The following SH3GL2 variants were observed in gnomAD, a reference collection of about 807,000 sequenced individuals.
SH3GL2 encodes SH3 domain containing GRB2 like 2, endophilin A1.
SH3GL2 carries 24 observed loss-of-function variants against 46.0 expected under a neutral mutation model. The ratio of observed to expected loss-of-function variants is 0.52; its 90% CI spans 0.38 to 0.73. The LOEUF (loss-of-function observed/expected upper bound fraction) is 0.73. Among genes scored for constraint, SH3GL2 ranks in the 30% least tolerant of loss-of-function variants. SH3GL2 has a pLI of 0.00. For synonymous variants in SH3GL2, 196 were observed against 147.1 expected (o/e 1.33, Z -2.40); for missense variants, 413 against 424.2 (o/e 0.97, Z 0.23).
At chr9:17,779,103 A>G (rs893787381) in intron 3 of SH3GL2, among the ~76,000 whole-genome samples, 1 of 152,090 alleles carries the variant, frequency 6.6e-6, no homozygotes, top group Non-Finnish European at 1.5e-5. Flanking sequence ...GCCAGACCTG[A>G]TAAGAGGTGG....
intron 1 of SH3GL2, among the ~76,000 whole-genome samples, chr9:17,649,311 C>A (rs1476515919): frequency 3.3e-5 from 5 of 152,192 alleles, no homozygotes; most frequent in Non-Finnish European, 7.3e-5. Context: ...AAGCGAACCA[C>A]CTGCCTTGGC....
At position 17,780,096 on chromosome 9, in the gene SH3GL2, A is replaced by G. The variant is rs149444724; in HGVS notation, c.188-6285A>G. On this transcript the variant is annotated intron_variant, in intron 3 of 8. Coordinates refer to ENST00000380607, the MANE Select transcript of SH3GL2 (RefSeq NM_003026.5). ...AGTGAAATTTCTGAATTTGTTATTGATCTGTAACATACAAAAAGTACAACA... is the reference window on the plus strand; with the variant it reads ...AGTGAAATTTCTGAATTTGTTATTGGTCTGTAACATACAAAAAGTACAACA... 2.8e-3 allele frequency among the ~76,000 whole-genome samples: 421 copies of G among 152,250 alleles called. 4 individuals are homozygous for G. The highest frequency in any genetic ancestry group is 9.7e-3 in the African/African-American group (404 of 41,548).
intron 1 of SH3GL2, among the ~76,000 whole-genome samples, chr9:17,611,290 G>A (rs907825412): frequency 2.6e-5 from 4 of 152,070 alleles, no homozygotes; most frequent in Non-Finnish European, 5.9e-5. Flanking sequence ...TAGGGTAAAC[G>A]TGGGTACGTG....
chr9:17,790,839 G>A (rs534405151), intron 6 of SH3GL2, among the ~76,000 whole-genome samples: 10 of 152,174 alleles, frequency 6.6e-5, no homozygotes, highest in African/African-American at 2.2e-4. Flanking sequence ...TAACAGTACC[G>A]ATATTAACAG....
intron 3 of SH3GL2, among the ~76,000 whole-genome samples, chr9:17,785,221 A>G (rs1481527421): frequency 2.6e-5 from 4 of 152,138 alleles, no homozygotes; most frequent in South Asian, 4.1e-4. Context: ...ACAGTGCCGC[A>G]TATCTGGGAC....
chr9:17,718,707 G>C (rs1030444835), intron 1 of SH3GL2, among the ~76,000 whole-genome samples: 2 of 152,122 alleles, frequency 1.3e-5, no homozygotes, highest in African/African-American at 4.8e-5. Context: ...TCCAGCCTGG[G>C]TGACAGAGTG....
chr9:17,673,202 G>T (rs1820516872), intron 1 of SH3GL2, among the ~76,000 whole-genome samples: 1 of 151,978 alleles, frequency 6.6e-6, no homozygotes, highest in Admixed American at 6.6e-5. Context: ...AGGCTGGAAT[G>T]CAGTGGTGCG....
rs184925425 is a variant in SH3GL2 at position 17,695,682 on chromosome 9, C to T, written c.46-51384C>T. ...GTGGGTTGGATGGCCATTACATAAT[C>T]ACAACCTCTTTTTTTCAGTCAGGGT... On this transcript the variant is annotated intron_variant, in intron 1 of 8. Transcript: ENST00000380607. Among the ~76,000 whole-genome samples the T allele has an allele frequency of 5.2e-4, 79 of 152,090 alleles. 1 individual carries two copies. The East Asian group carries it at 0.014, about 27-fold the overall frequency.
chr9:17,711,893 G>C (rs1165332019), intron 1 of SH3GL2, among the ~76,000 whole-genome samples: 1 of 151,842 alleles, frequency 6.6e-6, no homozygotes, highest in African/African-American at 2.4e-5. Context: ...GTACTCAACA[G>C]TTCTACAAAG....
chr9:17,614,205 C>T (rs1818932197), intron 1 of SH3GL2, among the ~76,000 whole-genome samples: 1 of 142,500 alleles, frequency 7.0e-6, no homozygotes, highest in South Asian at 2.2e-4. Context: ...CAGTAAATCA[C>T]CAGCATTCTG....
At chr9:17,676,267 T>G (rs1820606031) in intron 1 of SH3GL2, among the ~76,000 whole-genome samples, 1 of 152,188 alleles carries the variant, frequency 6.6e-6, no homozygotes, top group Admixed American at 6.5e-5. Context: ...ACAAAAATAT[T>G]TATGCATCTA....
intron 1 of SH3GL2, among the ~76,000 whole-genome samples, chr9:17,730,544 A>G (rs1205962697): frequency 6.6e-6 from 1 of 152,148 alleles, no homozygotes; most frequent in Non-Finnish European, 1.5e-5. Context: ...GCCGGTTTTC[A>G]AAGTGAATGC....
rs989154891 is a variant in SH3GL2 at position 17,710,216 on chromosome 9, A to G, written c.46-36850A>G. 2.0e-5 allele frequency among the ~76,000 whole-genome samples: 3 copies of G among 151,924 alleles called. No homozygotes were observed. In the East Asian group the frequency reaches 5.8e-4, roughly 29 times the overall value. The stretch of plus-strand genomic sequence containing the variant: ...GAGGCTTTCCTCCCTTTTGCTCTGC[A>G]TTTCTTCTTGCTGCTGCCATGTGAA... On this transcript the variant is annotated intron_variant, in intron 1 of 8. Transcript: ENST00000380607.
intron 3 of SH3GL2, among the ~76,000 whole-genome samples, chr9:17,774,191 T>G (rs1310548809): frequency 3.3e-5 from 5 of 152,120 alleles, no homozygotes; most frequent in Non-Finnish European, 7.4e-5. Context: ...TCTGACAGCT[T>G]TTTGTGGGAA....
chr9:17,777,175 C>A (rs1236795405), intron 3 of SH3GL2, among the ~76,000 whole-genome samples: 1 of 152,070 alleles, frequency 6.6e-6, no homozygotes, highest in East Asian at 1.9e-4. Context: ...AATATTGTTA[C>A]CCAAGGACTC....
rs1237204952 is a variant in SH3GL2, at chr9:17,796,374, A to G, written c.*631A>G. 6.6e-6 allele frequency: 1 copy of G among 152,580 alleles called. No homozygotes were observed. Among genetic ancestry groups the G allele is most frequent in the Admixed American group, 6.5e-5 (1 of 15,286 alleles). The allele number at this position is 152,580 out of a possible 1,614,324, so 9.5% of individuals were successfully genotyped here. On this transcript the variant is annotated 3_prime_UTR_variant, in exon 9 of 9. Coordinates refer to ENST00000380607, the MANE Select transcript of SH3GL2 (RefSeq NM_003026.5). Reference sequence around the variant, plus strand: ...AGTTTTCTTCCCTCCTTGCTATTAAAGCCAGAGCGGTAATTCCAAATTATT... The same window carrying G: ...AGTTTTCTTCCCTCCTTGCTATTAAGGCCAGAGCGGTAATTCCAAATTATT...
At chr9:17,739,874 C>G (rs757789594) in intron 1 of SH3GL2, among the ~76,000 whole-genome samples, 1 of 151,996 alleles carries the variant, frequency 6.6e-6, no homozygotes, top group Non-Finnish European at 1.5e-5. Context: ...ACTTTTAACC[C>G]CAGTGAACCA....
intron 1 of SH3GL2, among the ~76,000 whole-genome samples, chr9:17,680,982 G>T (rs1266069526): frequency 6.6e-6 from 1 of 152,090 alleles, no homozygotes; most frequent in Non-Finnish European, 1.5e-5. Context: ...TGATTTTACT[G>T]TGGTCTGACA....
At chr9:17,596,702 A>G (rs1818577767) in intron 1 of SH3GL2, among the ~76,000 whole-genome samples, 1 of 152,246 alleles carries the variant, frequency 6.6e-6, no homozygotes, top group African/African-American at 2.4e-5. Context: ...TATTTTGAAG[A>G]CAGAAAATAC....
Sources: allele counts gnomAD v4.1 joint callset (sites outside exome capture counted in the v4.1 genomes callset), GRCh38; gene constraint gnomAD v4.1.1; transcripts MANE v1.5; gene names NCBI Gene and HGNC (gene_info 2026-07-23, HGNC 2026-07-21).